The following IL31RA variants were observed in gnomAD, a reference collection of about 807,000 sequenced individuals.
The protein encoded by IL31RA is interleukin 31 receptor A.
Under a neutral mutation model 83.7 loss-of-function variants are expected in IL31RA, and 66 were observed. The observed-to-expected ratio is 0.79, with a 90% confidence interval of 0.65 to 0.97. The LOEUF (loss-of-function observed/expected upper bound fraction) is 0.97. IL31RA is among the 50% of genes least tolerant of loss of function. The pLI, the probability that IL31RA is intolerant of heterozygous loss-of-function variation, is 0.00. For missense variants in IL31RA, 798 were observed against 919.4 expected, an observed-to-expected ratio of 0.87 and a Z score of 1.71; for synonymous variants, 325 against 329.0, an observed-to-expected ratio of 0.99 and a Z score of 0.13.
chr5:55,841,808 C>T, the IL31RA span, among the ~76,000 whole-genome samples: 2 of 152,064 alleles, frequency 1.3e-5, no homozygotes, highest in Non-Finnish European at 2.9e-5. Flanking sequence ...TAGCAAATTA[C>T]CACAAACTTG....
At chr5:55,892,958 C>T (rs1326525351) in intron 6 of IL31RA, among the ~76,000 whole-genome samples, 1 of 152,176 alleles carries the variant, frequency 6.6e-6, no homozygotes, top group African/African-American at 2.4e-5. Context: ...CCAGCCAATC[C>T]TCATTTCTTG....
rs533657787 is a variant in IL31RA, at chr5:55,872,203, C to T, written c.273-67C>T. ...AAAACTAACAAATTACTGCTTAATA[C>T]ATTAAATATGGTTATGTTTCCAAAC... On this transcript the variant is annotated intron_variant, in intron 3 of 14. Transcript: ENST00000652347. 24 of 1,160,850 alleles carry T rather than the reference C, an allele frequency of 2.1e-5. No individual in the cohort carries two copies. In the South Asian group the frequency reaches 2.8e-4, roughly 13 times the overall value. The allele number at this position is 1,160,850 out of a possible 1,614,324, so 71.9% of individuals were successfully genotyped here.
intron 7 of IL31RA, 50 bp downstream of exon 7, chr5:55,896,479 T>TTTCCCTCCCTTCCCTCCC (rs750983963): frequency 8.5e-6 from 10 of 1,180,674 alleles, no homozygotes; most frequent in African/African-American, 4.9e-5. Flanking sequence ...CCTTCCCTCC[T>TTTCCCTCCCTTCCCTCCC]TTCCCTCCCT....
chr5:55,856,789 C>T (rs1745390307), intron 1 of IL31RA, among the ~76,000 whole-genome samples: 1 of 152,178 alleles, frequency 6.6e-6, no homozygotes, highest in Admixed American at 6.5e-5. Flanking sequence ...GTAGATAGTA[C>T]TGGATAAAAA....
At chr5:55,898,929 C>T (rs1337945634) in intron 7 of IL31RA, among the ~76,000 whole-genome samples, 2 of 152,052 alleles carry the variant, frequency 1.3e-5, no homozygotes, top group Non-Finnish European at 2.9e-5. Flanking sequence ...GAGGCTGAGG[C>T]AGGAGAATTG....
upstream of IL31RA, among the ~76,000 whole-genome samples, chr5:55,848,441 T>C (rs979807380): frequency 9.9e-5 from 15 of 152,242 alleles, no homozygotes; most frequent in African/African-American, 3.6e-4. Context: ...TGTGTCCCTT[T>C]GACATGCTCT....
Position 55,922,255 on chromosome 5 carries a change from G to C in IL31RA, c.*5135G>C. ...GGCTGTGCTGCCCAAGACGCTTGTCGTGTGCTGATGAAAAGGGCTGGGGAG... is the reference window on the plus strand; with the variant it reads ...GGCTGTGCTGCCCAAGACGCTTGTCCTGTGCTGATGAAAAGGGCTGGGGAG... On this transcript the variant is annotated 3_prime_UTR_variant, in exon 15 of 15. Coordinates refer to ENST00000652347, the MANE Select transcript of IL31RA (RefSeq NM_139017.7). The C allele has an allele frequency of 1.4e-6, 1 of 724,942 alleles. No individual in the cohort carries two copies. The highest frequency in any genetic ancestry group is 1.7e-5 in the African/African-American group (1 of 57,558). The allele number at this position is 724,942 out of a possible 1,614,324, so 44.9% of individuals were successfully genotyped here. A position where few individuals can be genotyped will look rare whatever the true frequency, so the allele number is the denominator to read the frequency against.
In IL31RA at chr5:55,867,809, AC is replaced by A. The variant is rs548873759; in HGVS notation, c.155-978del. Among the ~76,000 whole-genome samples the A allele has an allele frequency of 5.4e-4, 82 of 152,142 alleles. No homozygotes were observed. In the Middle Eastern group the frequency reaches 0.01, roughly 19 times the overall value. On this transcript the variant is annotated intron_variant, in intron 2 of 14. Coordinates refer to ENST00000652347, the MANE Select transcript of IL31RA (RefSeq NM_139017.7). ...AAATGAGAAAGAAGTAAAAGCGCAAACCCCTGATAAACCCGTCAGATCTCGT... is the reference window on the plus strand; with the variant it reads ...AAATGAGAAAGAAGTAAAAGCGCAAACCCTGATAAACCCGTCAGATCTCGT...
intron 8 of IL31RA, among the ~76,000 whole-genome samples, chr5:55,900,698 C>T (rs1397905609): frequency 2.0e-5 from 3 of 152,194 alleles, no homozygotes; most frequent in Non-Finnish European, 4.4e-5. Flanking sequence ...CATATTTATC[C>T]TGTTTTGGAA....
intron 4 of IL31RA, among the ~76,000 whole-genome samples, chr5:55,881,715 GATT>G (rs1747245927): frequency 2.6e-5 from 2 of 77,468 alleles, no homozygotes; most frequent in African/African-American, 5.5e-5. Context: ...CAGTTCCTGA[GATT>G]TTTTTTTTTT....
chr5:55,857,154 A>C (rs1429491936), intron 1 of IL31RA, among the ~76,000 whole-genome samples: 7 of 151,356 alleles, frequency 4.6e-5, no homozygotes, highest in Non-Finnish European at 1.5e-5. Context: ...GCTGAAGTGC[A>C]GTCATGAGAT....
intron 3 of IL31RA, among the ~76,000 whole-genome samples, chr5:55,871,168 T>C (rs745602653): frequency 6.6e-6 from 1 of 152,228 alleles, no homozygotes; most frequent in African/African-American, 2.4e-5. Context: ...ACACAGTTAA[T>C]AGGGGCAAAG....
Position 55,917,284 on chromosome 5 carries a change from G to A in IL31RA, c.*164G>A, listed in dbSNP as rs990386148. ...CCAGTTGAACTTGGTCGGCAAAGAT[G>A]CGACCTTGTACTGGGAAGAAGGGAT... On this transcript the variant is annotated 3_prime_UTR_variant, in exon 15 of 15. Coordinates refer to ENST00000652347, the MANE Select transcript of IL31RA (RefSeq NM_139017.7). 6.5e-7 allele frequency: 1 copy of A among 1,541,690 alleles called. No homozygotes were observed. Among genetic ancestry groups the A allele is most frequent in the Non-Finnish European group, 8.7e-7 (1 of 1,150,820 alleles).
rs1289489173 is a variant in IL31RA, at chr5:55,917,468, T to C, written c.*348T>C. ...GTGGACATATCTGGCCTCCCAGGAA[T>C]TGGGTCATGGTCCCAGCCTTTGCTG... On this transcript the variant is annotated 3_prime_UTR_variant, in exon 15 of 15. Coordinates refer to ENST00000652347, the MANE Select transcript of IL31RA (RefSeq NM_139017.7). 5 of 464,452 alleles carry C rather than the reference T, an allele frequency of 1.1e-5. No individual in the cohort carries two copies. The highest frequency in any genetic ancestry group is 1.7e-5 in the Non-Finnish European group (5 of 298,762). 28.8% of individuals were successfully genotyped at this position (464,452 alleles called of 1,614,324 possible).
chr5:55,887,965 G>A (rs939067290), intron 5 of IL31RA, among the ~76,000 whole-genome samples: 3 of 151,654 alleles, frequency 2.0e-5, no homozygotes, highest in Non-Finnish European at 2.9e-5. Context: ...CAGGAGAATC[G>A]CTTGAACCCG....
intron 1 of IL31RA, among the ~76,000 whole-genome samples, chr5:55,852,602 G>T (rs952799185): frequency 1.3e-5 from 2 of 152,208 alleles, no homozygotes; most frequent in Non-Finnish European, 2.9e-5. Flanking sequence ...AAAATGTGGG[G>T]CTGGAAAGCA....
At chr5:55,843,336 G>T in the IL31RA span, among the ~76,000 whole-genome samples, 1 of 152,138 alleles carries the variant, frequency 6.6e-6, no homozygotes, top group Non-Finnish European at 1.5e-5. Flanking sequence ...AAAAAGAAAT[G>T]TCATATTTTT....
chr5:55,854,758 A>AAT (rs397997796), intron 1 of IL31RA, among the ~76,000 whole-genome samples: 4 of 151,194 alleles, frequency 2.6e-5, no homozygotes, highest in African/African-American at 7.3e-5. Context: ...AAAAAAAAAA[A>AAT]GAAATAAAAT....
chr5:55,898,304 C>T (rs2112514763), intron 7 of IL31RA, among the ~76,000 whole-genome samples: 1 of 151,774 alleles, frequency 6.6e-6, no homozygotes, highest in Middle Eastern at 3.4e-3. Flanking sequence ...TGGGTCTGGT[C>T]TTTTTCTCCA....
Sources: gnomAD v4.1 joint callset for allele counts (sites outside exome capture counted in the v4.1 genomes callset) on GRCh38, gnomAD v4.1.1 for gene constraint, MANE v1.5 for transcripts, NCBI Gene and HGNC (gene_info 2026-07-23, HGNC 2026-07-21) for gene names.